GTF2H1: variants seen among roughly 807,000 people sequenced by gnomAD.
GTF2H1 encodes general transcription factor IIH subunit 1, also known as BTF2 p62.
Under a neutral mutation model 71.2 loss-of-function variants are expected in GTF2H1, and 16 were observed. The observed-to-expected ratio is 0.22, with a 90% CI of 0.15 to 0.34. The LOEUF (loss-of-function observed/expected upper bound fraction) is 0.34, where lower values mean the gene tolerates loss of function less well. Among genes scored for constraint, GTF2H1 ranks in the 10% least tolerant of loss-of-function variants. The pLI, the probability that GTF2H1 is intolerant of heterozygous loss-of-function variation, is 1.00. For synonymous variants in GTF2H1, 215 were observed against 219.0 expected (o/e 0.98, Z 0.16); for missense variants, 498 against 648.2 (o/e 0.77, Z 2.52).
chr11:18,338,370 T>C lies in GTF2H1; in HGVS notation c.513+96T>C, dbSNP rs953859186. ...TCCTTTTGTAAAACTTAGCATTTCC[T>C]TAAAGGAAAGTAATGGAAAATTGAG... On this transcript the variant is annotated intron_variant, in intron 4 of 14. Coordinates refer to ENST00000265963, the MANE Select transcript of GTF2H1 (RefSeq NM_005316.4). 4.4e-5 allele frequency: 34 copies of C among 769,754 alleles called. No individual in the cohort carries two copies. In the Admixed American group the frequency reaches 8.2e-4, roughly 19 times the overall value. 47.7% of individuals were successfully genotyped at this position (769,754 alleles called of 1,614,324 possible).
At chr11:18,328,217 A>G (rs868504271) in intron 1 of GTF2H1, among the ~76,000 whole-genome samples, 6 of 147,578 alleles carry the variant, frequency 4.1e-5, no homozygotes, top group Middle Eastern at 3.6e-3. Context: ...AAAAAAAAAA[A>G]AAAGAATATG....
chr11:18,336,987 G>A (rs1374368569), intron 3 of GTF2H1, among the ~76,000 whole-genome samples: 1 of 152,112 alleles, frequency 6.6e-6, no homozygotes, highest in Non-Finnish European at 1.5e-5. Context: ...CTGACCTCAA[G>A]TGATCTGCCT....
At chr11:18,329,172 G>A (rs1332456099) in intron 1 of GTF2H1, among the ~76,000 whole-genome samples, 1 of 79,146 alleles carries the variant, frequency 1.3e-5, no homozygotes, top group African/African-American at 3.9e-5. Flanking sequence ...TGTTAGGGTT[G>A]TGACATGGAA....
chr11:18,356,207 G>A (rs755765389), intron 11 of GTF2H1, among the ~76,000 whole-genome samples: 12 of 151,848 alleles, frequency 7.9e-5, no homozygotes, highest in East Asian at 1.9e-4. Flanking sequence ...GCAAAACCCC[G>A]TCTCTACCAA....
intron 14 of GTF2H1, among the ~76,000 whole-genome samples, chr11:18,362,344 C>G (rs1865721631): frequency 6.6e-6 from 1 of 152,144 alleles, no homozygotes; most frequent in South Asian, 2.1e-4. Context: ...CTGGGTGACT[C>G]AGTGAGTGAA....
Position 18,338,157 on chromosome 11 carries a change from T to A in GTF2H1, c.396T>A (p.Val132=). Reference sequence around the variant, plus strand: ...TGTTTCAGCTTTATAAAGACCTTGTTGTGAGTCAAGTGATCAGTGCTGAGG... The same window carrying A: ...TGTTTCAGCTTTATAAAGACCTTGTAGTGAGTCAAGTGATCAGTGCTGAGG... ...PVLFQLYKDL[V]VSQVISAEEF... is the part of the protein sequence containing the mutation. Residue 132 remains valine (V), a synonymous_variant, in exon 4 of 15, where the codon GTT becomes GTA. Coordinates refer to ENST00000265963, the MANE Select transcript of GTF2H1 (RefSeq NM_005316.4). The A allele has an allele frequency of 6.2e-7, 1 of 1,611,582 alleles. No individual in the cohort carries two copies. The highest frequency in any genetic ancestry group is 1.1e-5 in the South Asian group (1 of 91,042).
At chr11:18,326,532 AG>A (rs916444876) in intron 1 of GTF2H1, among the ~76,000 whole-genome samples, 6 of 150,668 alleles carry the variant, frequency 4.0e-5, no homozygotes, top group African/African-American at 1.5e-4. Context: ...AAAAAAAAAA[AG>A]GTTATGTTTT....
chr11:18,331,247 G>A (rs1479873268), intron 1 of GTF2H1, among the ~76,000 whole-genome samples: 2 of 152,036 alleles, frequency 1.3e-5, no homozygotes, highest in Admixed American at 6.5e-5. Context: ...TGTGGGAATG[G>A]GTTTCACCAT....
At chr11:18,359,565 TTTAGGAAATAA>T (rs2133989590) in intron 13 of GTF2H1, among the ~76,000 whole-genome samples, 1 of 152,180 alleles carries the variant, frequency 6.6e-6, no homozygotes, top group Non-Finnish European at 1.5e-5. Context: ...CATTTAGAAA[TTTAGGAAATAA>T]TTAGGAATGC....
chr11:18,359,242 A>G (rs1379975848), intron 13 of GTF2H1, among the ~76,000 whole-genome samples: 1 of 152,224 alleles, frequency 6.6e-6, no homozygotes, highest in Non-Finnish European at 1.5e-5. Flanking sequence ...TTACAGCTAC[A>G]GTAAAAGAAC....
intron 11 of GTF2H1, among the ~76,000 whole-genome samples, chr11:18,353,086 G>A (rs140923616): frequency 1.3e-5 from 2 of 152,110 alleles, no homozygotes; most frequent in African/African-American, 4.8e-5. Context: ...TTAACTGGGC[G>A]TGGTGGCACA....
chr11:18,354,368 G>A (rs1247140675), intron 11 of GTF2H1, among the ~76,000 whole-genome samples: 3 of 152,162 alleles, frequency 2.0e-5, no homozygotes, highest in Non-Finnish European at 4.4e-5. Flanking sequence ...TACATATCTT[G>A]TGGAGCTGTA....
At chr11:18,341,155 G>T in intron 5 of GTF2H1, 106 bp from the exon 6 acceptor site, 1 of 776,744 alleles carries the variant, frequency 1.3e-6, no homozygotes, top group South Asian at 1.8e-5. Context: ...ATGTAGAGTT[G>T]AGAGCTTTAT....
intron 11 of GTF2H1, among the ~76,000 whole-genome samples, chr11:18,354,257 A>G (rs997019968): frequency 6.6e-6 from 1 of 152,232 alleles, no homozygotes; most frequent in South Asian, 2.1e-4. Context: ...AATGATTTGT[A>G]TATATCCTAG....
At chr11:18,335,548 G>A (rs574326695) in intron 2 of GTF2H1, among the ~76,000 whole-genome samples, 59 of 152,290 alleles carry the variant, frequency 3.9e-4, no homozygotes, top group African/African-American at 1.2e-3. Flanking sequence ...TACCAAAGAA[G>A]GAAGCAGAGT....
rs752210295 is a variant in GTF2H1 at position 18,365,816 on chromosome 11, G to A, written c.1594G>A (p.Ala532Thr). Residue 532 changes from alanine to threonine, a missense_variant, in exon 15 of 15, where the codon GCC becomes ACC. By Grantham distance (58) the Ala-to-Thr change is moderately conservative (BLOSUM62 0). This residue lies in a region of GTF2H1 where 266 missense variants were observed against 301.6 expected (regional missense o/e 0.88). Coordinates refer to ENST00000265963, the MANE Select transcript of GTF2H1 (RefSeq NM_005316.4). The stretch of plus-strand genomic sequence containing the variant: ...TCACATAGAAGAGATGCTCCAGACA[G>A]CCTACAACAAGCTCCACACATGGCA... Reference protein sequence around the residue: ...VSHIEEMLQTAYNKLHTWQSR... With the variant: ...VSHIEEMLQTTYNKLHTWQSR... The A allele has an allele frequency of 2.9e-5, 47 of 1,613,624 alleles. No individual in the cohort carries two copies. The Middle Eastern group carries it at 4.9e-4, about 17-fold the overall frequency.
intron 11 of GTF2H1, among the ~76,000 whole-genome samples, chr11:18,356,715 A>T (rs1590197937): frequency 6.6e-6 from 1 of 151,388 alleles, no homozygotes; most frequent in African/African-American, 2.4e-5. Context: ...CTCCTGAGTC[A>T]CTAGGATTAT....
chr11:18,346,189 A>C (rs1051698415), intron 7 of GTF2H1, among the ~76,000 whole-genome samples: 1 of 152,170 alleles, frequency 6.6e-6, no homozygotes, highest in Non-Finnish European at 1.5e-5. Flanking sequence ...ATGACACAAT[A>C]TGTACTACAT....
intron 14 of GTF2H1, among the ~76,000 whole-genome samples, chr11:18,362,211 A>G (rs1435681609): frequency 1.3e-5 from 2 of 152,124 alleles, no homozygotes; most frequent in Admixed American, 6.5e-5. Context: ...ACACAATGGT[A>G]TGTGTGTATC....
Sources: gnomAD v4.1 joint callset for allele counts (sites outside exome capture counted in the v4.1 genomes callset) on GRCh38, gnomAD v4.1.1 for gene constraint, gnomAD v4.1.1 regional missense constraint, MANE v1.5 for transcripts, NCBI Gene and HGNC (gene_info 2026-07-23, HGNC 2026-07-21) for gene names.